Variants in DLG5 observed in about 807,000 individuals in gnomAD.
The protein encoded by DLG5 is disks large homolog 5.
A neutral mutation model predicts 189.8 loss-of-function variants in DLG5; 48 were observed. That is an observed-to-expected ratio of 0.25 (90% confidence interval 0.20 to 0.32). The LOEUF is 0.32. Ranked by LOEUF, DLG5 falls within the 10% of genes least tolerant of loss-of-function variation. DLG5 has a pLI of 1.00. For synonymous variants in DLG5, 1,016 were observed against 1,054.1 expected (o/e 0.96, Z 0.70); for missense variants, 2,160 against 2,544.7 (o/e 0.85, Z 3.25).
rs752207781 is a variant in DLG5 at position 77,821,427 on chromosome 10, G to A, written c.3057C>T (p.Ser1019=). The A allele has an allele frequency of 1.9e-6, 3 of 1,612,708 alleles. No homozygotes were observed. The highest frequency in any genetic ancestry group is 2.2e-5 in the East Asian group (1 of 44,858). The part of the protein sequence containing the change: ...PLTPPKPPRR[S]DSIKFQHRLE... ...GCCTGTGCTGGAACTTAATGGAGTC[G>A]CTCCTTCTGGGAGGTTTTGGGGGTG... Residue 1019 remains serine, a synonymous_variant, in exon 15 of 32, where the codon AGC becomes AGT. Coordinates refer to ENST00000372391, the MANE Select transcript of DLG5 (RefSeq NM_004747.4).
chr10:77,857,902 C>A (rs1455109287), intron 2 of DLG5, among the ~76,000 whole-genome samples: 1 of 152,206 alleles, frequency 6.6e-6, no homozygotes, highest in Non-Finnish European at 1.5e-5. Context: ...ACTGGACCCA[C>A]AACGCACAAA....
chr10:77,839,184 A>G (rs1321622914), intron 7 of DLG5, among the ~76,000 whole-genome samples: 3 of 152,190 alleles, frequency 2.0e-5, no homozygotes, highest in East Asian at 1.9e-4. Flanking sequence ...TTCTACAAAC[A>G]GTCTTCACGA....
At chr10:77,890,582 C>T (rs1269184776) in intron 1 of DLG5, among the ~76,000 whole-genome samples, 1 of 152,138 alleles carries the variant, frequency 6.6e-6, no homozygotes, top group Admixed American at 6.5e-5. Flanking sequence ...TTTGGGAGGC[C>T]GAGGCATGCA....
At chr10:77,806,951 C>T in intron 25 of DLG5, 23 bp from the exon 26 acceptor site, 10 of 1,595,592 alleles carry the variant, frequency 6.3e-6, no homozygotes, top group South Asian at 3.3e-5. Context: ...ACAGAAGGAA[C>T]ACGATCAGGC....
chr10:77,926,867 A>T, upstream of DLG5: 1 of 303,614 alleles, frequency 3.3e-6, no homozygotes, highest in Non-Finnish European at 6.8e-6. The surrounding 1 kb of genome is among the most constrained non-coding windows in gnomAD (Gnocchi z 5.2). Context: ...CCTCCCCCTC[A>T]GCCTCCGCGC....
At chr10:77,935,981 C>A in the DLG5 span, among the ~76,000 whole-genome samples, 2 of 152,152 alleles carry the variant, frequency 1.3e-5, no homozygotes, top group Non-Finnish European at 1.5e-5. Flanking sequence ...ATTGCACACA[C>A]CTTTTTAGGA....
chr10:77,830,198 C>G lies in DLG5; in HGVS notation c.2009+19G>C, dbSNP rs761797069. 8.7e-6 allele frequency: 14 copies of G among 1,613,842 alleles called. No homozygotes were observed. Among genetic ancestry groups the G allele is most frequent in the Non-Finnish European group, 1.2e-5 (14 of 1,179,962 alleles). On this transcript the variant is annotated intron_variant, in intron 11 of 31. Coordinates refer to ENST00000372391, the MANE Select transcript of DLG5 (RefSeq NM_004747.4). ...GAAGGGCCCCACCTTGCCTCCAGAG[C>G]CTGGGCCTCAACTCTTACCTTAAGC...
chr10:77,893,347 T>C (rs916742954), intron 1 of DLG5, among the ~76,000 whole-genome samples: 1 of 152,208 alleles, frequency 6.6e-6, no homozygotes, highest in Non-Finnish European at 1.5e-5. Flanking sequence ...CACCCAGTAA[T>C]GCTGCCACAT....
the DLG5 span, among the ~76,000 whole-genome samples, chr10:77,936,430 C>A: frequency 7.3e-6 from 1 of 137,334 alleles, no homozygotes; most frequent in Non-Finnish European, 1.5e-5. Context: ...GAGCGAGACT[C>A]CGTCTCAAAA....
intron 2 of DLG5, among the ~76,000 whole-genome samples, chr10:77,864,371 G>A (rs1285277347): frequency 6.6e-6 from 1 of 152,198 alleles, no homozygotes; most frequent in Non-Finnish European, 1.5e-5. Context: ...CAGTGGCAGA[G>A]CACAGTCATC....
At chr10:77,800,993 C>T (rs1841175874) in intron 27 of DLG5, among the ~76,000 whole-genome samples, 1 of 152,208 alleles carries the variant, frequency 6.6e-6, no homozygotes, top group African/African-American at 2.4e-5. Context: ...GATCTGCGAG[C>T]AGCGGCTATC....
At chr10:77,881,470 T>C (rs1845280089) in intron 1 of DLG5, among the ~76,000 whole-genome samples, 1 of 152,190 alleles carries the variant, frequency 6.6e-6, no homozygotes, top group Admixed American at 6.5e-5. Flanking sequence ...TCCAGTCACC[T>C]CTGTCACAGC....
intron 3 of DLG5, among the ~76,000 whole-genome samples, chr10:77,855,448 C>T (rs1844184881): frequency 6.6e-6 from 1 of 152,184 alleles, no homozygotes; most frequent in African/African-American, 2.4e-5. Flanking sequence ...ACTTTTTTTG[C>T]AAAAGGCCAC....
intron 3 of DLG5, among the ~76,000 whole-genome samples, chr10:77,854,791 G>A (rs1844152175): frequency 6.6e-6 from 1 of 152,050 alleles, no homozygotes. Flanking sequence ...TTTGAGACCA[G>A]CCTGAGCAAC....
intron 29 of DLG5, among the ~76,000 whole-genome samples, chr10:77,795,298 T>C (rs60068145): frequency 0.042 from 6,318 of 152,192 alleles, 455 homozygotes; most frequent in African/African-American, 0.14. Context: ...ACTGAGCGAA[T>C]GAAGAGCCAG....
rs1028783182 is a variant in DLG5 at position 77,812,272 on chromosome 10, C to A, written c.4131G>T (p.Val1377=). The A allele has an allele frequency of 3.1e-6, 5 of 1,614,086 alleles. No individual in the cohort carries two copies. The highest frequency in any genetic ancestry group is 1.6e-4 in the Middle Eastern group (1 of 6,084). ...GEKGGIYVSK[V]TVGSIAHQAG... ...CCTGGTGAGCGATGCTCCCCACGGT[C>A]ACCTTGGAGACGTAGATGCCGCCCT... The change falls in exon 21 of 32, where the codon GTG becomes GTT. Residue 1377 remains valine (V), a synonymous_variant. Coordinates refer to ENST00000372391, the MANE Select transcript of DLG5 (RefSeq NM_004747.4).
At chr10:77,874,330 T>C (rs1256542844) in intron 1 of DLG5, among the ~76,000 whole-genome samples, 1 of 152,258 alleles carries the variant, frequency 6.6e-6, no homozygotes, top group African/African-American at 2.4e-5. Flanking sequence ...TGCTTCCACA[T>C]ACTTATCAGT....
At chr10:77,794,350 C>G (rs1429695525) in intron 30 of DLG5, among the ~76,000 whole-genome samples, 1 of 152,234 alleles carries the variant, frequency 6.6e-6, no homozygotes, top group African/African-American at 2.4e-5. Flanking sequence ...GCACCAGCAG[C>G]CCCTAGCGCA....
intron 31 of DLG5, 181 bp from the exon 32 acceptor site, chr10:77,792,724 T>G (rs1568105679): frequency 6.4e-6 from 4 of 620,970 alleles, no homozygotes; most frequent in Middle Eastern, 4.2e-4. Flanking sequence ...AAATTGCCCC[T>G]CTTGAGTTGA....
Sources: gnomAD v4.1 joint callset for allele counts (sites outside exome capture counted in the v4.1 genomes callset) on GRCh38, gnomAD v4.1.1 for gene constraint, Gnocchi (gnomAD v3.1) non-coding constraint, MANE v1.5 for transcripts, NCBI Gene and HGNC (gene_info 2026-07-23, HGNC 2026-07-21) for gene names.